The following HTR2A variants were observed in gnomAD, a reference collection of about 807,000 sequenced individuals.
HTR2A encodes the protein 5-hydroxytryptamine receptor 2A.
A neutral mutation model predicts 31.0 loss-of-function variants in HTR2A; 14 were observed. That is an observed-to-expected ratio of 0.45 (90% CI 0.30 to 0.71). HTR2A has a LOEUF of 0.71. Ranked by LOEUF, HTR2A falls within the 30% of genes least tolerant of loss-of-function variation. The pLI, the probability that HTR2A is intolerant of heterozygous loss-of-function variation, is 0.09. For missense variants in HTR2A, 442 were observed against 573.3 expected (o/e 0.77, Z 2.34); for synonymous variants, 209 against 225.2 (o/e 0.93, Z 0.64).
intron 3 of HTR2A, among the ~76,000 whole-genome samples, chr13:46,880,726 C>T (rs1950954094): frequency 6.6e-6 from 1 of 152,022 alleles, no homozygotes. Flanking sequence ...GTAATCCCAG[C>T]TACTCAGGAG....
At chr13:46,887,248 T>A (rs1412426125) in intron 3 of HTR2A, among the ~76,000 whole-genome samples, 6 of 151,668 alleles carry the variant, frequency 4.0e-5, no homozygotes, top group Admixed American at 3.3e-4. Flanking sequence ...TGAAACCCCA[T>A]CTCTACTAAA....
rs1876286777 is a variant in HTR2A, at chr13:46,832,610, C to A, written c.*2227G>T. On this transcript the variant is annotated 3_prime_UTR_variant, in exon 4 of 4. Coordinates refer to ENST00000542664, the MANE Select transcript of HTR2A (RefSeq NM_000621.5). Reference sequence around the variant, plus strand: ...ATACATTAGAGTGGAGACATTTTAACATTTATATTTTCATCAGTTAGTATG... The same window carrying A: ...ATACATTAGAGTGGAGACATTTTAAAATTTATATTTTCATCAGTTAGTATG... The A allele has an allele frequency of 6.6e-6, 1 of 152,132 alleles. No individual in the cohort carries two copies. The highest frequency in any genetic ancestry group is 2.1e-4 in the South Asian group (1 of 4,834). 9.4% of individuals were successfully genotyped at this position (152,132 alleles called of 1,614,324 possible). A position where few individuals can be genotyped will look rare whatever the true frequency, so the allele number is the denominator to read the frequency against.
intron 3 of HTR2A, among the ~76,000 whole-genome samples, chr13:46,874,316 G>A (rs573196810): frequency 6.6e-6 from 1 of 152,264 alleles, no homozygotes; most frequent in Admixed American, 6.5e-5. Flanking sequence ...GTGTAAAAAG[G>A]CGAACACAGG....
In HTR2A at chr13:46,834,618, C is replaced by A; in HGVS notation, c.*219G>T. On this transcript the variant is annotated 3_prime_UTR_variant, in exon 4 of 4. Transcript: ENST00000542664. ...CATTTACAATGTTATAAATAAGTAT[C>A]AGAAAGCTCACAGCTGAAATGCTGT... The A allele has an allele frequency of 1.9e-6, 1 of 512,966 alleles. No individual in the cohort carries two copies. Among genetic ancestry groups the A allele is most frequent in the Non-Finnish European group, 3.4e-6 (1 of 292,076 alleles). 31.8% of individuals were successfully genotyped at this position (512,966 alleles called of 1,614,324 possible).
In HTR2A at chr13:46,877,957, G is replaced by A. The variant is rs527540861; in HGVS notation, c.613+14433C>T. ...AATGATGGGAAATTTATTGCAGCTG[G>A]AGAATAAAAGATGAGGCAATATACA... On this transcript the variant is annotated intron_variant, in intron 3 of 3. Coordinates refer to ENST00000542664, the MANE Select transcript of HTR2A (RefSeq NM_000621.5). Among the ~76,000 whole-genome samples the A allele has an allele frequency of 5.9e-5, 9 of 152,226 alleles. No individual in the cohort carries two copies. The East Asian group carries it at 1.7e-3, about 29-fold the overall frequency.
At chr13:46,862,226 A>G (rs1246687826) in intron 3 of HTR2A, among the ~76,000 whole-genome samples, 1 of 152,228 alleles carries the variant, frequency 6.6e-6, no homozygotes, top group African/African-American at 2.4e-5. Context: ...GGAAATGCAT[A>G]TGTGGTTTTG....
intron 3 of HTR2A, among the ~76,000 whole-genome samples, chr13:46,876,385 CATATATAT>C (rs1213510951): frequency 4.2e-5 from 4 of 94,266 alleles, no homozygotes; most frequent in South Asian, 4.3e-4. Flanking sequence ...TATTTTGATT[CATATATAT>C]ATATATATAT....
At chr13:46,867,924 AGAACTAAGT>A (rs1950831509) in intron 3 of HTR2A, among the ~76,000 whole-genome samples, 1 of 152,190 alleles carries the variant, frequency 6.6e-6, no homozygotes, top group Admixed American at 6.5e-5. Flanking sequence ...TTTTTTAAAG[AGAACTAAGT>A]GAACTTTTTG....
chr13:46,898,002 C>T (rs1232353703), upstream of HTR2A, among the ~76,000 whole-genome samples: 1 of 152,168 alleles, frequency 6.6e-6, no homozygotes, highest in Non-Finnish European at 1.5e-5. Flanking sequence ...CTGCTGTTAT[C>T]CGCGACTCTT....
At position 46,877,712 on chromosome 13, in the gene HTR2A, C is replaced by T. The variant is rs140950739; in HGVS notation, c.613+14678G>A. Among the ~76,000 whole-genome samples, 1,378 of 151,842 alleles carry T rather than the reference C, an allele frequency of 9.1e-3. 5 individuals carry two copies. The highest frequency in any genetic ancestry group is 0.014 in the Non-Finnish European group (940 of 67,958). The stretch of plus-strand genomic sequence containing the variant: ...AGGGGAATAAACTAATGATTATAAT[C>T]GAATATGTGAAAATATAGAGATATG... On this transcript the variant is annotated intron_variant, in intron 3 of 3. Transcript: ENST00000542664.
chr13:46,855,638 A>G (rs1257248699), intron 3 of HTR2A, among the ~76,000 whole-genome samples: 2 of 152,172 alleles, frequency 1.3e-5, no homozygotes, highest in Non-Finnish European at 2.9e-5. Flanking sequence ...CCTCCCTAAA[A>G]AAGGCCTAAG....
At chr13:46,894,277 G>A (rs74846842) in intron 2 of HTR2A, among the ~76,000 whole-genome samples, 6,033 of 152,212 alleles carry the variant, frequency 0.04, 158 homozygotes, top group South Asian at 0.094. Flanking sequence ...GTGACGCCGG[G>A]GGTCACCCCA....
chr13:46,861,415 A>G (rs1018441975), intron 3 of HTR2A, among the ~76,000 whole-genome samples: 3 of 152,188 alleles, frequency 2.0e-5, no homozygotes, highest in Non-Finnish European at 4.4e-5. Flanking sequence ...GACATGACCC[A>G]GCTACAAGAA....
chr13:46,892,662 CA>C, intron 2 of HTR2A, 72 bp from the exon 3 acceptor site: 1 of 1,282,460 alleles, frequency 7.8e-7, no homozygotes, highest in South Asian at 1.2e-5. Context: ...TATCCTATGA[CA>C]ATTTCCAGCT....
At position 46,896,875 on chromosome 13, in the gene HTR2A, G is replaced by A. The variant is rs1593448401; in HGVS notation, c.-530C>T. The A allele has an allele frequency of 1.3e-6, 2 of 1,521,568 alleles. No homozygotes were observed. The highest frequency in any genetic ancestry group is 8.8e-7 in the Non-Finnish European group (1 of 1,135,788). The allele number at this position is 1,521,568 out of a possible 1,614,324, so 94.3% of individuals were successfully genotyped here. A position where few individuals can be genotyped will look rare whatever the true frequency, so the allele number is the denominator to read the frequency against. On this transcript the variant is annotated 5_prime_UTR_variant, in exon 1 of 4. Coordinates refer to ENST00000542664, the MANE Select transcript of HTR2A (RefSeq NM_000621.5). ...CTCCCGCACTGCTAGGATCCTGTTG[G>A]CTTCCTCTGGCACGGCTCGGCTGGG... is the stretch of plus-strand genomic sequence containing the variant.
At chr13:46,881,251 G>T (rs896815727) in intron 3 of HTR2A, among the ~76,000 whole-genome samples, 11 of 152,202 alleles carry the variant, frequency 7.2e-5, no homozygotes, top group African/African-American at 2.7e-4. Flanking sequence ...AAGAGAAGGG[G>T]TGGGCCAAGT....
Position 46,895,723 on chromosome 13 carries a change from A to G in HTR2A, c.184T>C (p.Ser62Pro). The change falls in exon 2 of 4, where the codon TCA (serine) becomes CCA (proline). Residue 62 changes from serine (S) to proline (P), a missense_variant. Physicochemically the swap from Ser to Pro is moderately conservative, Grantham distance 74. Transcript: ENST00000542664. The surrounding 1 kb of genome is among the most constrained non-coding windows in gnomAD (Gnocchi z 4.4). Reference sequence around the variant, plus strand: ...TGAAGTAAGGAGAGACACGACGGTGAGAGGCACCCTTCACAGGAAAGGTTG... The same window carrying G: ...TGAAGTAAGGAGAGACACGACGGTGGGAGGCACCCTTCACAGGAAAGGTTG... ...RTNLSCEGCLSPSCLSLLHLQ... is the reference protein window; with the variant it reads ...RTNLSCEGCLPPSCLSLLHLQ... 1 of 1,614,014 alleles carries G rather than the reference A, an allele frequency of 6.2e-7. No homozygotes were observed. Among genetic ancestry groups the G allele is most frequent in the Non-Finnish European group, 8.5e-7 (1 of 1,179,954 alleles).
chr13:46,879,138 C>T (rs549959138), intron 3 of HTR2A, among the ~76,000 whole-genome samples: 2 of 152,284 alleles, frequency 1.3e-5, no homozygotes, highest in African/African-American at 2.4e-5. Flanking sequence ...TCTGAGGGAG[C>T]TTTGCTTGGC....
chr13:46,880,370 A>C (rs914015814), intron 3 of HTR2A, among the ~76,000 whole-genome samples: 3 of 152,186 alleles, frequency 2.0e-5, no homozygotes, highest in African/African-American at 7.2e-5. Flanking sequence ...GACGCAGCCC[A>C]AGGGCAGAGG....
Sources: gnomAD v4.1 joint callset for allele counts (sites outside exome capture counted in the v4.1 genomes callset) on GRCh38, gnomAD v4.1.1 for gene constraint, Gnocchi (gnomAD v3.1) non-coding constraint, MANE v1.5 for transcripts, NCBI Gene and HGNC (gene_info 2026-07-23, HGNC 2026-07-21) for gene names.